GFM2: variants seen among roughly 807,000 people sequenced by gnomAD.
The protein encoded by GFM2 is ribosome-releasing factor 2, mitochondrial.
GFM2 carries 72 observed loss-of-function variants against 95.4 expected under a neutral mutation model. That is an observed-to-expected ratio of 0.76 (90% CI 0.62 to 0.92). The LOEUF is 0.92. Among genes scored for constraint, GFM2 ranks in the 40% least tolerant of loss-of-function variants. GFM2 has a pLI of 0.00. For missense variants in GFM2, 825 were observed against 924.1 expected (o/e 0.89, Z 1.39); for synonymous variants, 276 against 317.5 (o/e 0.87, Z 1.39).
chr5:74,750,775 G>GTA (rs1225816455), intron 6 of GFM2, 108 bp from the exon 7 acceptor site: 3 of 708,020 alleles, frequency 4.2e-6, no homozygotes, highest in East Asian at 5.7e-5. Context: ...ATATATATGT[G>GTA]TATATATATA....
rs149101388 is a variant in GFM2 at position 74,740,030 on chromosome 5, A to G, written c.1038T>C (p.Thr346=). 1.9e-6 allele frequency: 3 copies of G among 1,599,288 alleles called. No homozygotes were observed. The highest frequency in any genetic ancestry group is 4.5e-5 in the East Asian group (2 of 44,002). The change falls in exon 12 of 21, where the codon ACT becomes ACC. Residue 346 remains threonine, a synonymous_variant. Coordinates refer to ENST00000296805, the MANE Select transcript of GFM2 (RefSeq NM_032380.5). ...GCTCTTCAGGTGAAGGTAAGTACAT[A>G]GTAACAGCATCTAACAAGGGCTGTA... ...KGIQPLLDAV[T]MYLPSPEERN... is the part of the protein sequence containing the mutation.
intron 15 of GFM2, 53 bp from the exon 16 acceptor site, chr5:74,733,151 A>G (rs1742661599): frequency 7.5e-7 from 1 of 1,339,430 alleles, no homozygotes; most frequent in Non-Finnish European, 1.1e-6. Context: ...ATAATTTATT[A>G]TATGTTCTAG....
chr5:74,742,814 G>GTGCCAC (rs1561248612), intron 10 of GFM2, among the ~76,000 whole-genome samples: 1 of 151,928 alleles, frequency 6.6e-6, no homozygotes, highest in African/African-American at 2.4e-5. Flanking sequence ...TTACAGGCGC[G>GTGCCAC]TGCCACCACG....
At position 74,743,808 on chromosome 5, in the gene GFM2, T is replaced by G. The variant is rs555781297; in HGVS notation, c.849+1870A>C. Among the ~76,000 whole-genome samples the G allele has an allele frequency of 4.6e-5, 7 of 152,298 alleles. No homozygotes were observed. The East Asian group carries it at 1.4e-3, about 29-fold the overall frequency. ...TAAACAGATTAACCTGGGTTCAGAT[T>G]CTAGCTCAGCCACTTTATTAGCTGT... is the stretch of plus-strand genomic sequence containing the variant. On this transcript the variant is annotated intron_variant, in intron 10 of 20. Transcript: ENST00000296805.
chr5:74,758,995 A>G (rs1198250691), intron 4 of GFM2, 49 bp from the exon 5 acceptor site: 1 of 1,116,942 alleles, frequency 9.0e-7, no homozygotes, highest in Admixed American at 1.7e-5. Flanking sequence ...TTGTAAAACC[A>G]AAGTATATAT....
chr5:74,753,681 A>T (rs1381677716), intron 5 of GFM2, among the ~76,000 whole-genome samples: 2 of 152,204 alleles, frequency 1.3e-5, no homozygotes, highest in African/African-American at 4.8e-5. Context: ...AAAGAATTTT[A>T]AAAAAATGAA....
In GFM2 at chr5:74,730,416, G is replaced by T. The variant is rs1389896013; in HGVS notation, c.1588-18C>A. On this transcript the variant is annotated intron_variant, in intron 16 of 20. Transcript: ENST00000296805. Reference sequence around the variant, plus strand: ...AGAACAGTCTGGTTACCAGAGGAATGAAATAAAAGATTAAGGGTAAATTAT... The same window carrying T: ...AGAACAGTCTGGTTACCAGAGGAATTAAATAAAAGATTAAGGGTAAATTAT... The T allele has an allele frequency of 2.0e-6, 3 of 1,530,690 alleles. No homozygotes were observed. Among genetic ancestry groups the T allele is most frequent in the Admixed American group, 4.2e-5 (2 of 47,488 alleles). The allele number at this position is 1,530,690 out of a possible 1,614,324, so 94.8% of individuals were successfully genotyped here. A position where few individuals can be genotyped will look rare whatever the true frequency, so the allele number is the denominator to read the frequency against.
chr5:74,740,202 T>G, intron 11 of GFM2, 65 bp from the exon 12 acceptor site: 2 of 1,427,076 alleles, frequency 1.4e-6, no homozygotes, highest in South Asian at 1.4e-5. Flanking sequence ...AGCTCAAAAT[T>G]AGAGGTTTTC....
At chr5:74,763,573 G>T in intron 2 of GFM2, 107 bp downstream of exon 2, 1 of 617,092 alleles carries the variant, frequency 1.6e-6, no homozygotes, top group South Asian at 2.3e-5. Context: ...CAAAGGTTAT[G>T]ACTCAACTAA....
In GFM2 at chr5:74,759,433, A is replaced by T; in HGVS notation, c.149-7T>A. On this transcript the variant is annotated splice_region_variant and splice_polypyrimidine_tract_variant and intron_variant, in intron 3 of 20. Coordinates refer to ENST00000296805, the MANE Select transcript of GFM2 (RefSeq NM_032380.5). Reference sequence around the variant, plus strand: ...ATATCATTTCCTATTAAGCCTAATGAAAAGAAAGTTAAAATTGAACTGTTA... The same window carrying T: ...ATATCATTTCCTATTAAGCCTAATGTAAAGAAAGTTAAAATTGAACTGTTA... 1 of 1,456,670 alleles carries T rather than the reference A, an allele frequency of 6.9e-7. No homozygotes were observed. The highest frequency in any genetic ancestry group is 9.5e-7 in the Non-Finnish European group (1 of 1,051,550). 90.2% of individuals were successfully genotyped at this position (1,456,670 alleles called of 1,614,324 possible). A position where few individuals can be genotyped will look rare whatever the true frequency, so the allele number is the denominator to read the frequency against.
chr5:74,727,926 CTGTG>C (rs1158081583), intron 17 of GFM2, among the ~76,000 whole-genome samples: 1 of 152,124 alleles, frequency 6.6e-6, no homozygotes, highest in African/African-American at 2.4e-5. Context: ...AGTCACTGTG[CTGTG>C]TAACAGATCA....
At chr5:74,766,441 G>C (rs17738266) in intron 1 of GFM2, among the ~76,000 whole-genome samples, 10,928 of 152,244 alleles carry the variant, frequency 0.072, 603 homozygotes, top group East Asian at 0.16. Context: ...GTAATTAAGG[G>C]AACTTCTGCA....
In GFM2 at chr5:74,721,589, A is replaced by C; in HGVS notation, c.*66T>G. 1 of 1,496,838 alleles carries C rather than the reference A, an allele frequency of 6.7e-7. No homozygotes were observed. Among genetic ancestry groups the C allele is most frequent in the Non-Finnish European group, 9.2e-7 (1 of 1,087,472 alleles). 92.7% of individuals were successfully genotyped at this position (1,496,838 alleles called of 1,614,324 possible). On this transcript the variant is annotated 3_prime_UTR_variant, in exon 21 of 21. Transcript: ENST00000296805. The stretch of plus-strand genomic sequence containing the variant: ...TATTCGTCCAATAAATAAAGCAATA[A>C]AAATTGTTCTTACTGAAAATGAAGT...
intron 5 of GFM2, among the ~76,000 whole-genome samples, chr5:74,757,730 CTAAA>C (rs1430861693): frequency 2.4e-4 from 8 of 33,190 alleles, no homozygotes; most frequent in African/African-American, 1.9e-3. Context: ...GCCTATGTCT[CTAAA>C]AAAAAAAAAA....
At chr5:74,743,641 T>C (rs1312115028) in intron 10 of GFM2, among the ~76,000 whole-genome samples, 1 of 152,228 alleles carries the variant, frequency 6.6e-6, no homozygotes, top group Non-Finnish European at 1.5e-5. Flanking sequence ...TTAAGTTTAT[T>C]CTTATAGCTC....
At chr5:74,760,446 A>C (rs901506449) in intron 3 of GFM2, among the ~76,000 whole-genome samples, 1 of 152,114 alleles carries the variant, frequency 6.6e-6, no homozygotes, top group Non-Finnish European at 1.5e-5. Context: ...AAGTAAGTCA[A>C]CTCCTCCACC....
At chr5:74,739,599 C>T (rs1743013394) in intron 12 of GFM2, among the ~76,000 whole-genome samples, 1 of 152,072 alleles carries the variant, frequency 6.6e-6, no homozygotes, top group African/African-American at 2.4e-5. Context: ...CTTTTAGTGA[C>T]AATAGGAGTA....
chr5:74,761,720 A>C (rs145914479), intron 2 of GFM2, among the ~76,000 whole-genome samples: 1 of 152,260 alleles, frequency 6.6e-6, no homozygotes, highest in East Asian at 1.9e-4. Context: ...CCTCTACCTT[A>C]GCTGCTTACC....
Position 74,750,580 on chromosome 5 carries a change from T to G in GFM2, c.518A>C (p.Glu173Ala), listed in dbSNP as rs1428950585. The change falls in exon 7 of 21, where the codon GAG (glutamate) becomes GCG (alanine). Residue 173 changes from glutamate (E) to alanine (A), a missense_variant and splice_region_variant. Physicochemically the swap from Glu to Ala is moderately radical, Grantham distance 107. Coordinates refer to ENST00000296805, the MANE Select transcript of GFM2 (RefSeq NM_032380.5). The stretch of plus-strand genomic sequence containing the variant: ...CTTTACTTTGGCAATATTATTTACC[T>G]CTACACCAGCAGAGGCATCAAATAC... ...VAVFDASAGVEAQTLTVWRQA... is the reference protein window; with the variant it reads ...VAVFDASAGVAAQTLTVWRQA... 1 of 1,608,020 alleles carries G rather than the reference T, an allele frequency of 6.2e-7. No individual in the cohort carries two copies. Among genetic ancestry groups the G allele is most frequent in the Non-Finnish European group, 8.5e-7 (1 of 1,175,020 alleles).
Sources: allele counts gnomAD v4.1 joint callset (sites outside exome capture counted in the v4.1 genomes callset), GRCh38; gene constraint gnomAD v4.1.1; transcripts MANE v1.5; gene names NCBI Gene and HGNC (gene_info 2026-07-23, HGNC 2026-07-21).